Variants in DIRAS2 observed in about 807,000 individuals in gnomAD.
The protein encoded by DIRAS2 is GTP-binding protein Di-Ras2.
A neutral mutation model predicts 13.9 loss-of-function variants in DIRAS2; 5 were observed. The observed-to-expected ratio is 0.36, with a 90% CI of 0.19 to 0.76. The LOEUF (loss-of-function observed/expected upper bound fraction) is 0.76, where lower values mean the gene tolerates loss of function less well. DIRAS2 is among the 30% of genes least tolerant of loss of function. The pLI, the probability that DIRAS2 is intolerant of heterozygous loss-of-function variation, is 0.53. For synonymous variants in DIRAS2, 111 were observed against 105.4 expected (o/e 1.05, Z -0.33); for missense variants, 191 against 263.0 (o/e 0.73, Z 1.89).
At chr9:90,642,671 G>A (rs1052524542) in intron 1 of DIRAS2, 81 bp downstream of exon 1, 12 of 152,900 alleles carry the variant, frequency 7.8e-5, no homozygotes, top group Admixed American at 3.3e-4. Flanking sequence ...CTTTCCAGGG[G>A]CTGGCAAACA....
At chr9:90,633,314 T>G (rs990774222) in intron 1 of DIRAS2, among the ~76,000 whole-genome samples, 1 of 152,164 alleles carries the variant, frequency 6.6e-6, no homozygotes, top group African/African-American at 2.4e-5. Flanking sequence ...TGAGGTAGAC[T>G]GGAGGAGAAG....
intron 1 of DIRAS2, among the ~76,000 whole-genome samples, chr9:90,637,077 G>A (rs898503776): frequency 6.6e-6 from 1 of 152,176 alleles, no homozygotes; most frequent in African/African-American, 2.4e-5. Context: ...CCAGCATAGT[G>A]AGAGAATATC....
At chr9:90,637,607 C>T (rs1825382687) in intron 1 of DIRAS2, among the ~76,000 whole-genome samples, 3 of 152,206 alleles carry the variant, frequency 2.0e-5, no homozygotes, top group African/African-American at 7.2e-5. Flanking sequence ...GTCTGTTTCT[C>T]ATTACTGAAT....
intron 1 of DIRAS2, among the ~76,000 whole-genome samples, chr9:90,620,734 G>A (rs147331724): frequency 2.0e-5 from 3 of 149,816 alleles, no homozygotes; most frequent in Admixed American, 6.6e-5. Flanking sequence ...GTGAGACTCC[G>A]CTGTCTCAAA....
intron 1 of DIRAS2, among the ~76,000 whole-genome samples, chr9:90,640,102 C>T (rs1285032673): frequency 1.3e-5 from 2 of 152,292 alleles, no homozygotes; most frequent in Non-Finnish European, 2.9e-5. Context: ...TCTAAATGGT[C>T]ATTTTTTATA....
intron 1 of DIRAS2, among the ~76,000 whole-genome samples, chr9:90,616,080 T>C (rs887598979): frequency 2.6e-5 from 4 of 152,250 alleles, no homozygotes; most frequent in Admixed American, 1.3e-4. Context: ...TAACAAGTTC[T>C]GCATCCCAAT....
At chr9:90,620,762 GA>G (rs1181534243) in intron 1 of DIRAS2, among the ~76,000 whole-genome samples, 4 of 151,384 alleles carry the variant, frequency 2.6e-5, no homozygotes, top group African/African-American at 4.9e-5. Context: ...AGAAAGGAAA[GA>G]AAAAAAGAGA....
chr9:90,632,481 T>G (rs1825334154), intron 1 of DIRAS2, among the ~76,000 whole-genome samples: 1 of 152,194 alleles, frequency 6.6e-6, no homozygotes, highest in African/African-American at 2.4e-5. Flanking sequence ...CCACCCTATC[T>G]CAATTTTCAA....
rs557247580 is a variant in DIRAS2, at chr9:90,613,333, C to T, written c.495G>A (p.Leu165=). The T allele has an allele frequency of 3.2e-5, 51 of 1,613,908 alleles. No individual in the cohort carries two copies. The highest frequency in any genetic ancestry group is 3.1e-5 in the Non-Finnish European group (37 of 1,180,022). Residue 165 remains leucine (L), a synonymous_variant, in exon 2 of 2, where the codon CTG becomes CTA. Coordinates refer to ENST00000375765, the MANE Select transcript of DIRAS2 (RefSeq NM_017594.5). This position sits in a 1 kb window ranked among gnomAD's most constrained non-coding sequence, Gnocchi z 5.6. ...NHNVKELFQE[L]LNLEKRRTVS... Reference sequence around the variant, plus strand: ...CGGTCCTGCGCTTCTCCAGGTTGAGCAGCTCCTGGAAAAGCTCCTTCACGT... The same window carrying T: ...CGGTCCTGCGCTTCTCCAGGTTGAGTAGCTCCTGGAAAAGCTCCTTCACGT...
rs1439344218 is a variant in DIRAS2 at position 90,628,578 on chromosome 9, C to T, written c.-37+14174G>A. Among the ~76,000 whole-genome samples, 4 of 152,266 alleles carry T rather than the reference C, an allele frequency of 2.6e-5. No homozygotes were observed. The East Asian group carries it at 7.7e-4, about 29-fold the overall frequency. ...GTATTTTTTTTGAGACAAGGTCTCA[C>T]TCTGTTGCCTAGGCTGGAGTGCAGT... On this transcript the variant is annotated intron_variant, in intron 1 of 1. Transcript: ENST00000375765.
At chr9:90,622,641 T>C (rs747314008) in intron 1 of DIRAS2, among the ~76,000 whole-genome samples, 4 of 152,234 alleles carry the variant, frequency 2.6e-5, no homozygotes, top group Non-Finnish European at 5.9e-5. Context: ...CAAGTTCAAA[T>C]TCTTTCTTCT....
At chr9:90,616,835 G>A (rs1825174298) in intron 1 of DIRAS2, among the ~76,000 whole-genome samples, 1 of 151,818 alleles carries the variant, frequency 6.6e-6, no homozygotes, top group African/African-American at 2.4e-5. Flanking sequence ...TAGATACTGT[G>A]CAAACTCAGT....
Position 90,613,982 on chromosome 9 carries a change from GA to G in DIRAS2, c.-36-120del. 1 of 1,036,234 alleles carries G rather than the reference GA, an allele frequency of 9.7e-7. No homozygotes were observed. Among genetic ancestry groups the G allele is most frequent in the Non-Finnish European group, 1.4e-6 (1 of 736,508 alleles). The allele number at this position is 1,036,234 out of a possible 1,614,324, so 64.2% of individuals were successfully genotyped here. A position where few individuals can be genotyped will look rare whatever the true frequency, so the allele number is the denominator to read the frequency against. Reference sequence around the variant, plus strand: ...GGGAGGTGATAACATTTAAAATAGCGACAATTCTAAATCCAATAAATTTGGT... The same window carrying G: ...GGGAGGTGATAACATTTAAAATAGCGCAATTCTAAATCCAATAAATTTGGT... On this transcript the variant is annotated intron_variant, in intron 1 of 1. Coordinates refer to ENST00000375765, the MANE Select transcript of DIRAS2 (RefSeq NM_017594.5). The surrounding 1 kb of genome is among the most constrained non-coding windows in gnomAD (Gnocchi z 5.6).
At chr9:90,641,263 A>G (rs1825416468) in intron 1 of DIRAS2, among the ~76,000 whole-genome samples, 1 of 152,224 alleles carries the variant, frequency 6.6e-6, no homozygotes, top group South Asian at 2.1e-4. Context: ...TTAAAGCTGT[A>G]ACAAAGAAAG....
At chr9:90,626,977 G>A (rs1825275374) in intron 1 of DIRAS2, among the ~76,000 whole-genome samples, 3 of 152,162 alleles carry the variant, frequency 2.0e-5, no homozygotes, top group Admixed American at 1.3e-4. Flanking sequence ...CTGGAGGTGG[G>A]GCCCGGTGGG....
intron 1 of DIRAS2, among the ~76,000 whole-genome samples, chr9:90,614,280 G>T (rs925901928): frequency 2.0e-5 from 3 of 150,916 alleles, no homozygotes; most frequent in Admixed American, 6.6e-5. Context: ...CTGAAGTACT[G>T]AGTACCCAAT....
intron 1 of DIRAS2, among the ~76,000 whole-genome samples, chr9:90,636,163 G>A (rs1044584410): frequency 2.7e-5 from 4 of 146,936 alleles, no homozygotes; most frequent in African/African-American, 1.0e-4. Flanking sequence ...TCAGCCTACT[G>A]AGTAGCTGGG....
At chr9:90,635,278 A>C (rs893039762) in intron 1 of DIRAS2, among the ~76,000 whole-genome samples, 1 of 152,222 alleles carries the variant, frequency 6.6e-6, no homozygotes. Flanking sequence ...GTTTTAGTGC[A>C]CCTAAGCATA....
Position 90,613,790 on chromosome 9 carries a change from AACACGGCC to A in DIRAS2, c.30_37del (p.Ala11TrpfsTer38). ...GCTCTTGCCAACACCGCCAGCCCCA[AACACGGCC>A]ACCCGGTAATCGTTACTCTGCTCAG... On this transcript the variant is annotated frameshift_variant, in exon 2 of 2. Coordinates refer to ENST00000375765, the MANE Select transcript of DIRAS2 (RefSeq NM_017594.5). LOFTEE classifies it high-confidence loss of function. The surrounding 1 kb of genome is among the most constrained non-coding windows in gnomAD (Gnocchi z 5.6). 1 of 1,614,064 alleles carries A rather than the reference AACACGGCC, an allele frequency of 6.2e-7. No individual in the cohort carries two copies. The highest frequency in any genetic ancestry group is 8.5e-7 in the Non-Finnish European group (1 of 1,179,970).
Sources: gnomAD v4.1 joint callset for allele counts (sites outside exome capture counted in the v4.1 genomes callset) on GRCh38, gnomAD v4.1.1 for gene constraint, Gnocchi (gnomAD v3.1) non-coding constraint, MANE v1.5 for transcripts, NCBI Gene and HGNC (gene_info 2026-07-23, HGNC 2026-07-21) for gene names.